Variants in PCDHGA12 observed in about 807,000 individuals in gnomAD.
PCDHGA12 encodes the protein protocadherin gamma-A12.
Under a neutral mutation model 61.1 loss-of-function variants are expected in PCDHGA12, and 43 were observed. That is an observed-to-expected ratio of 0.70 (90% confidence interval 0.55 to 0.91). The LOEUF (loss-of-function observed/expected upper bound fraction) is 0.91, where lower values mean the gene tolerates loss of function less well. Ranked by LOEUF, PCDHGA12 falls within the 40% of genes least tolerant of loss-of-function variation. The pLI, the probability that PCDHGA12 is intolerant of heterozygous loss-of-function variation, is 0.00. For missense variants in PCDHGA12, 1,236 were observed against 1,227.7 expected (o/e 1.01, Z -0.10); for synonymous variants, 520 against 542.9 (o/e 0.96, Z 0.59).
At chr5:141,480,722 C>T (rs1002559431) in intron 1 of PCDHGA12, among the ~76,000 whole-genome samples, 1 of 152,174 alleles carries the variant, frequency 6.6e-6, no homozygotes, top group African/African-American at 2.4e-5. Flanking sequence ...AAAGCACAGT[C>T]TCTGGGGGTG....
In PCDHGA12 at chr5:141,486,370, T is replaced by A; in HGVS notation, c.2425-8437T>A. On this transcript the variant is annotated intron_variant, in intron 1 of 3. Transcript: ENST00000252085. This position sits in a 1 kb window ranked among gnomAD's most constrained non-coding sequence, Gnocchi z 5.0. ...ACCACTTGCCATTTGCCCTCAAGTC[T>A]GCCTTCAGGAACCAGTTCTCCCTGG... 1 of 1,614,106 alleles carries A rather than the reference T, an allele frequency of 6.2e-7. No homozygotes were observed. The highest frequency in any genetic ancestry group is 8.5e-7 in the Non-Finnish European group (1 of 1,179,986).
At chr5:141,467,491 A>T (rs2154569531) in intron 1 of PCDHGA12, among the ~76,000 whole-genome samples, 1 of 152,224 alleles carries the variant, frequency 6.6e-6, no homozygotes, top group Admixed American at 6.5e-5. Flanking sequence ...CCACATTTAG[A>T]TCCCTGATCT....
chr5:141,455,477 C>A (rs557286491), intron 1 of PCDHGA12, among the ~76,000 whole-genome samples: 15 of 152,252 alleles, frequency 9.9e-5, no homozygotes, highest in African/African-American at 2.9e-4. Flanking sequence ...TATGCAGAGG[C>A]TGGTGGAGGT....
rs777668071 is a variant in PCDHGA12 at position 141,491,848 on chromosome 5, C to G, written c.2425-2959C>G. The G allele has an allele frequency of 3.4e-6, 5 of 1,461,482 alleles. No homozygotes were observed. The highest frequency in any genetic ancestry group is 4.5e-6 in the Non-Finnish European group (5 of 1,104,578). 90.5% of individuals were successfully genotyped at this position (1,461,482 alleles called of 1,614,324 possible). A position where few individuals can be genotyped will look rare whatever the true frequency, so the allele number is the denominator to read the frequency against. ...CACCCGATTCTCGGGATCATTGGAC[C>G]GTTTGCGCGAAACCAGAGTGGCCGA... On this transcript the variant is annotated intron_variant, in intron 1 of 3. Transcript: ENST00000252085. The surrounding 1 kb of genome is among the most constrained non-coding windows in gnomAD (Gnocchi z 6.9).
chr5:141,430,629 C>A lies in PCDHGA12; in HGVS notation c.-131C>A. ...ACAAAGCAGATAGCTAGGAATGAACCATCCCTGGGAGTATGTGGAAACAAC... is the reference window on the plus strand; with the variant it reads ...ACAAAGCAGATAGCTAGGAATGAACAATCCCTGGGAGTATGTGGAAACAAC... On this transcript the variant is annotated 5_prime_UTR_variant, in exon 1 of 4. Coordinates refer to ENST00000252085, the MANE Select transcript of PCDHGA12 (RefSeq NM_003735.3). 1 of 812,246 alleles carries A rather than the reference C, an allele frequency of 1.2e-6. No individual in the cohort carries two copies. 50.3% of individuals were successfully genotyped at this position (812,246 alleles called of 1,614,324 possible).
intron 1 of PCDHGA12, among the ~76,000 whole-genome samples, chr5:141,456,845 C>T (rs1308477735): frequency 6.6e-6 from 1 of 152,092 alleles, no homozygotes; most frequent in African/African-American, 2.4e-5. Context: ...CGCCTGTAAT[C>T]CCAGCTAATT....
Position 141,431,103 on chromosome 5 carries a change from A to C in PCDHGA12, c.344A>C (p.Lys115Thr), listed in dbSNP as rs769542343. The change falls in exon 1 of 4, where the codon AAA becomes ACA. Residue 115 changes from lysine (K) to threonine (T), a missense_variant. Physicochemically the swap from Lys to Thr is moderately conservative, Grantham distance 78. Coordinates refer to ENST00000252085, the MANE Select transcript of PCDHGA12 (RefSeq NM_003735.3). This position sits in a 1 kb window ranked among gnomAD's most constrained non-coding sequence, Gnocchi z 4.8. ...NLDILMEDKVKIYGVEVEVRD... is the reference protein window; with the variant it reads ...NLDILMEDKVTIYGVEVEVRD... ...GACATTCTGATGGAGGATAAAGTGA[A>C]AATATATGGAGTAGAAGTAGAAGTA... 6.2e-7 allele frequency: 1 copy of C among 1,614,246 alleles called. No individual in the cohort carries two copies.
At chr5:141,450,046 G>A (rs1390669307) in intron 1 of PCDHGA12, among the ~76,000 whole-genome samples, 4 of 121,108 alleles carry the variant, frequency 3.3e-5, no homozygotes, top group Admixed American at 1.1e-4. Context: ...TCACTCTTTC[G>A]CCCAGGCTGG....
chr5:141,500,189 TTTA>T (rs780229863), intron 2 of PCDHGA12, among the ~76,000 whole-genome samples: 5,656 of 110,928 alleles, frequency 0.051, 122 homozygotes, highest in Middle Eastern at 0.14. Context: ...TTTATTTTTA[TTTA>T]TTTATTTATT....
Position 141,431,698 on chromosome 5 carries a change from A to ATTC in PCDHGA12, c.941_943dup (p.Phe314dup). 6.2e-7 allele frequency: 1 copy of ATTC among 1,614,222 alleles called. No homozygotes were observed. Among genetic ancestry groups the ATTC allele is most frequent in the Non-Finnish European group, 8.5e-7 (1 of 1,180,036 alleles). The stretch of plus-strand genomic sequence containing the variant: ...GGGAGTTGGACCACGAGGAGTCAGG[A>ATTC]TTCTACCAGATGGAAGTGCAAGCAA... On this transcript the variant is annotated inframe_insertion, in exon 1 of 4. Coordinates refer to ENST00000252085, the MANE Select transcript of PCDHGA12 (RefSeq NM_003735.3). This position sits in a 1 kb window ranked among gnomAD's most constrained non-coding sequence, Gnocchi z 4.8.
chr5:141,447,738 A>C (rs1365302023), intron 1 of PCDHGA12, among the ~76,000 whole-genome samples: 7 of 152,216 alleles, frequency 4.6e-5, no homozygotes, highest in Non-Finnish European at 8.8e-5. Context: ...ATTGAACTTA[A>C]GAGTCTTGCA....
rs181495329 is a variant in PCDHGA12, at chr5:141,489,120, G to A, written c.2425-5687G>A. ...AACTGCTGCAAGCAGGCAAACCTCC[G>A]AGCAGTTTTTAAGAGGCTGGAAGGA... is the stretch of plus-strand genomic sequence containing the variant. On this transcript the variant is annotated intron_variant, in intron 1 of 3. Coordinates refer to ENST00000252085, the MANE Select transcript of PCDHGA12 (RefSeq NM_003735.3). This position sits in a 1 kb window ranked among gnomAD's most constrained non-coding sequence, Gnocchi z 4.5. 1.8e-5 allele frequency: 8 copies of A among 445,672 alleles called. No homozygotes were observed. The East Asian group carries it at 1.9e-4, about 11-fold the overall frequency. The allele number at this position is 445,672 out of a possible 1,614,324, so 27.6% of individuals were successfully genotyped here.
At position 141,487,855 on chromosome 5, in the gene PCDHGA12, A is replaced by G. The variant is rs1033833406; in HGVS notation, c.2425-6952A>G. The G allele has an allele frequency of 2.1e-6, 2 of 974,092 alleles. No homozygotes were observed. Among genetic ancestry groups the G allele is most frequent in the Non-Finnish European group, 3.0e-6 (2 of 668,870 alleles). The allele number at this position is 974,092 out of a possible 1,614,324, so 60.3% of individuals were successfully genotyped here. Reference sequence around the variant, plus strand: ...TATATCTGAGTAAGAAATGAAAGTAATTGGTGATCAAGAGCCAGGCTGTTG... The same window carrying G: ...TATATCTGAGTAAGAAATGAAAGTAGTTGGTGATCAAGAGCCAGGCTGTTG... On this transcript the variant is annotated intron_variant, in intron 1 of 3. Transcript: ENST00000252085. The surrounding 1 kb of genome is among the most constrained non-coding windows in gnomAD (Gnocchi z 5.0).
chr5:141,491,908 G>A lies in PCDHGA12; in HGVS notation c.2425-2899G>A. ...GGGGCTCCGAGCACCGGGGGTGGTG[G>A]CGACTGTGGGCGAGGGGAGGTGGGA... On this transcript the variant is annotated intron_variant, in intron 1 of 3. Transcript: ENST00000252085. The surrounding 1 kb of genome is among the most constrained non-coding windows in gnomAD (Gnocchi z 6.9). The A allele has an allele frequency of 7.1e-7, 1 of 1,408,288 alleles. No individual in the cohort carries two copies. Among genetic ancestry groups the A allele is most frequent in the East Asian group, 2.5e-5 (1 of 39,276 alleles). The allele number at this position is 1,408,288 out of a possible 1,614,324, so 87.2% of individuals were successfully genotyped here. A position where few individuals can be genotyped will look rare whatever the true frequency, so the allele number is the denominator to read the frequency against.
chr5:141,484,715 G>A (rs576646182), intron 1 of PCDHGA12, among the ~76,000 whole-genome samples: 1 of 152,130 alleles, frequency 6.6e-6, no homozygotes, highest in African/African-American at 2.4e-5. Context: ...CCGCCGAAAA[G>A]GGGCGGGGTC....
At chr5:141,444,692 T>G (rs531452351) in intron 1 of PCDHGA12, among the ~76,000 whole-genome samples, 1 of 152,360 alleles carries the variant, frequency 6.6e-6, no homozygotes, top group South Asian at 2.1e-4. Context: ...TTAAAAATAT[T>G]TTCCTCTTTC....
At chr5:141,447,178 C>T (rs1258561542) in intron 1 of PCDHGA12, among the ~76,000 whole-genome samples, 2 of 152,094 alleles carry the variant, frequency 1.3e-5, no homozygotes, top group Middle Eastern at 3.4e-3. Context: ...TTGCTCTTGT[C>T]GCGCAGGCTG....
At chr5:141,509,322 C>G (rs563556144) in intron 3 of PCDHGA12, among the ~76,000 whole-genome samples, 1 of 152,318 alleles carries the variant, frequency 6.6e-6, no homozygotes, top group East Asian at 1.9e-4. Flanking sequence ...GAGAGAAGCT[C>G]TACTGCCAGC....
intron 1 of PCDHGA12, among the ~76,000 whole-genome samples, chr5:141,470,591 G>A (rs1271473509): frequency 1.3e-5 from 2 of 152,132 alleles, no homozygotes; most frequent in African/African-American, 4.8e-5. Flanking sequence ...ATAGGCAGGC[G>A]ACCTGTGCGG....
Sources: gnomAD v4.1 joint callset for allele counts (sites outside exome capture counted in the v4.1 genomes callset) on GRCh38, gnomAD v4.1.1 for gene constraint, Gnocchi (gnomAD v3.1) non-coding constraint, MANE v1.5 for transcripts, NCBI Gene and HGNC (gene_info 2026-07-23, HGNC 2026-07-21) for gene names.